The following MYSM1 variants were observed in gnomAD, a reference collection of about 807,000 sequenced individuals.
MYSM1 encodes the protein Myb like, SWIRM and MPN domains 1.
MYSM1 carries 51 observed loss-of-function variants against 116.0 expected under a neutral mutation model. The ratio of observed to expected loss-of-function variants is 0.44; its 90% CI spans 0.35 to 0.56. The LOEUF is 0.56. MYSM1 is among the 20% of genes least tolerant of loss of function. The pLI is 0.00. For synonymous variants in MYSM1, 313 were observed against 315.2 expected, an observed-to-expected ratio of 0.99 and a Z score of 0.07; for missense variants, 900 against 974.9, an observed-to-expected ratio of 0.92 and a Z score of 1.02.
rs1378316171 is a variant in MYSM1, at chr1:58,659,856, T to C, written c.*141A>G. 1 of 589,002 alleles carries C rather than the reference T, an allele frequency of 1.7e-6. No homozygotes were observed. The highest frequency in any genetic ancestry group is 2.8e-6 in the Non-Finnish European group (1 of 355,264). 36.5% of individuals were successfully genotyped at this position (589,002 alleles called of 1,614,324 possible). The stretch of plus-strand genomic sequence containing the variant: ...TTTGTATCTCTTCCTTTTCACATGA[T>C]TTATGTGGCAAAGTTTGGATTTTGT... On this transcript the variant is annotated 3_prime_UTR_variant, in exon 20 of 20. Coordinates refer to ENST00000472487, the MANE Select transcript of MYSM1 (RefSeq NM_001085487.3).
intron 5 of MYSM1, 123 bp downstream of exon 5, chr1:58,690,103 G>GT: frequency 1.3e-6 from 1 of 751,342 alleles, no homozygotes. Context: ...TAAAAAAACT[G>GT]TTTTTATATC....
intron 6 of MYSM1, among the ~76,000 whole-genome samples, chr1:58,687,722 G>A (rs1644847807): frequency 2.6e-5 from 4 of 152,090 alleles, no homozygotes; most frequent in Admixed American, 2.6e-4. Flanking sequence ...ACGACATCCC[G>A]CCGGAACAAG....
rs138996564 is a variant in MYSM1 at position 58,672,596 on chromosome 1, G to A, written c.1573-638C>T. On this transcript the variant is annotated intron_variant, in intron 11 of 19. Coordinates refer to ENST00000472487, the MANE Select transcript of MYSM1 (RefSeq NM_001085487.3). ...AAGTAAATCTCTATTCCATTTCTAC[G>A]ACCAACTTACACCCTAGTCCAAATG... 2.9e-4 allele frequency among the ~76,000 whole-genome samples: 44 copies of A among 151,798 alleles called. No individual in the cohort carries two copies. In the East Asian group the frequency reaches 4.1e-3, roughly 14 times the overall value.
In MYSM1 at chr1:58,690,243, C is replaced by T; in HGVS notation, c.303G>A (p.Gln101=). The T allele has an allele frequency of 1.9e-6, 3 of 1,574,618 alleles. No homozygotes were observed. Among genetic ancestry groups the T allele is most frequent in the South Asian group, 1.2e-5 (1 of 81,496 alleles). Residue 101 remains glutamine (Q), a synonymous_variant, in exon 5 of 20, where the codon CAG becomes CAA. Transcript: ENST00000472487. ...EDDKKYMKSL[Q]KTAKIMVHSP... ...GTACATACATGATTTTTGCTGTTTT[C>T]TGCAGACTGCATCACATGAAAAAAG...
In MYSM1 at chr1:58,659,886, T is replaced by C. The variant is rs1644366440; in HGVS notation, c.*111A>G. 1 of 749,068 alleles carries C rather than the reference T, an allele frequency of 1.3e-6. No individual in the cohort carries two copies. Among genetic ancestry groups the C allele is most frequent in the Non-Finnish European group, 2.0e-6 (1 of 494,088 alleles). 46.4% of individuals were successfully genotyped at this position (749,068 alleles called of 1,614,324 possible). Reference sequence around the variant, plus strand: ...GTGGCAAAGTTTGGATTTTGTGAAATAGAGAAAAAATACCAAAGCTGTGCC... The same window carrying C: ...GTGGCAAAGTTTGGATTTTGTGAAACAGAGAAAAAATACCAAAGCTGTGCC... On this transcript the variant is annotated 3_prime_UTR_variant, in exon 20 of 20. Coordinates refer to ENST00000472487, the MANE Select transcript of MYSM1 (RefSeq NM_001085487.3).
Position 58,661,421 on chromosome 1 carries a change from T to A in MYSM1, c.2255A>T (p.Tyr752Phe). Reference protein sequence around the residue: ...FEKTRWIIEKYRLSHSSVPMD... With the variant: ...FEKTRWIIEKFRLSHSSVPMD... ...CAGTACATACCTATGGGAGAGCCTG[T>A]ATTTTTCTATTATCCATCTTGTCTT... is the stretch of plus-strand genomic sequence containing the variant. Residue 752 changes from tyrosine to phenylalanine, a missense_variant, in exon 18 of 20, where the codon TAC becomes TTC. This residue lies in a region of MYSM1 where 186 missense variants were observed against 196.2 expected (regional missense o/e 0.95). Transcript: ENST00000472487. 1 of 1,582,364 alleles carries A rather than the reference T, an allele frequency of 6.3e-7. No homozygotes were observed. The highest frequency in any genetic ancestry group is 2.2e-5 in the East Asian group (1 of 44,670).
At chr1:58,684,871 G>A (rs1644804819) in intron 7 of MYSM1, among the ~76,000 whole-genome samples, 1 of 151,890 alleles carries the variant, frequency 6.6e-6, no homozygotes, top group South Asian at 2.1e-4. Context: ...GATCTCTAAG[G>A]TTTTCTCTTT....
intron 17 of MYSM1, among the ~76,000 whole-genome samples, chr1:58,663,506 C>T (rs1644424381): frequency 6.6e-6 from 1 of 152,178 alleles, no homozygotes; most frequent in Non-Finnish European, 1.5e-5. Context: ...AACCTTAATT[C>T]TTGCACCAGA....
chr1:58,684,340 T>A (rs893467254), intron 7 of MYSM1, among the ~76,000 whole-genome samples: 1 of 151,662 alleles, frequency 6.6e-6, no homozygotes, highest in Admixed American at 6.6e-5. Context: ...CCGAGGCGGG[T>A]GGATCACGAG....
At position 58,693,651 on chromosome 1, in the gene MYSM1, A is replaced by G. The variant is rs560971575; in HGVS notation, c.148-720T>C. On this transcript the variant is annotated intron_variant, in intron 2 of 19. Coordinates refer to ENST00000472487, the MANE Select transcript of MYSM1 (RefSeq NM_001085487.3). ...TACCTCCAAAATATAATTCAAATCT[A>G]TCTACTCTATCTCTTCTGCTACTAC... Among the ~76,000 whole-genome samples the G allele has an allele frequency of 3.9e-5, 6 of 152,258 alleles. No individual in the cohort carries two copies. In the South Asian group the frequency reaches 8.3e-4, roughly 21 times the overall value.
At position 58,675,483 on chromosome 1, in the gene MYSM1, C is replaced by G. The variant is rs894676049; in HGVS notation, c.1488G>C (p.Gln496His). 6.2e-7 allele frequency: 1 copy of G among 1,608,774 alleles called. No individual in the cohort carries two copies. Among genetic ancestry groups the G allele is most frequent in the Non-Finnish European group, 8.5e-7 (1 of 1,176,588 alleles). Residue 496 changes from glutamine (Q) to histidine (H), a missense_variant, in exon 10 of 20, where the codon CAG becomes CAC. Gln to His is a conservative substitution (Grantham distance 24). Around this residue, in one of 3 missense-constraint regions of MYSM1, gnomAD observed 622 missense variants for 623.7 expected, o/e 1.00. Transcript: ENST00000472487. ...VEAYQLAQRL[Q>H]SMRTRRRRVR... ...GAGAGAGATGACTGCTTACCATAGA[C>G]TGCAGACGCTGGGCAAGTTGGTATG...
intron 12 of MYSM1, among the ~76,000 whole-genome samples, chr1:58,671,165 G>GTCT (rs1397059592): frequency 6.6e-6 from 1 of 152,120 alleles, no homozygotes; most frequent in African/African-American, 2.4e-5. Context: ...ACCTCTCTAT[G>GTCT]CCTCTCAGTT....
chr1:58,695,515 G>C (rs1245945428), intron 1 of MYSM1, among the ~76,000 whole-genome samples: 1 of 152,144 alleles, frequency 6.6e-6, no homozygotes, highest in Non-Finnish European at 1.5e-5. Flanking sequence ...ATCACAACAT[G>C]CTCTGTGACT....
chr1:58,688,622 A>G (rs1644861811), intron 6 of MYSM1, among the ~76,000 whole-genome samples: 1 of 152,062 alleles, frequency 6.6e-6, no homozygotes, highest in African/African-American at 2.4e-5. Flanking sequence ...AGTGTATACA[A>G]TGCCAAATTA....
In MYSM1 at chr1:58,655,560, A is replaced by G. The variant is rs1175529777; in HGVS notation, c.*4437T>C. 1.3e-5 allele frequency: 2 copies of G among 152,210 alleles called. No homozygotes were observed. The highest frequency in any genetic ancestry group is 4.8e-5 in the African/African-American group (2 of 41,466). The allele number at this position is 152,210 out of a possible 1,614,324, so 9.4% of individuals were successfully genotyped here. A position where few individuals can be genotyped will look rare whatever the true frequency, so the allele number is the denominator to read the frequency against. ...GTGGCTTAGAAGATAGACTCAGAAT[A>G]TACTAGAAAGTATAATTATAGGTTA... is the stretch of plus-strand genomic sequence containing the variant. On this transcript the variant is annotated 3_prime_UTR_variant, in exon 20 of 20. Transcript: ENST00000472487.
chr1:58,664,143 T>G (rs1644434127), intron 17 of MYSM1, among the ~76,000 whole-genome samples: 1 of 152,214 alleles, frequency 6.6e-6, no homozygotes, highest in Non-Finnish European at 1.5e-5. Flanking sequence ...GCTATTGTAC[T>G]GGATAGCATC....
intron 1 of MYSM1, 57 bp downstream of exon 1, chr1:58,699,928 C>T (rs1569823726): frequency 1.2e-6 from 2 of 1,609,606 alleles, no homozygotes; most frequent in East Asian, 2.2e-5. Flanking sequence ...TCCCAGGGCC[C>T]GCTCCTTCAA....
At chr1:58,684,520 G>A (rs6664947) in intron 7 of MYSM1, among the ~76,000 whole-genome samples, 29,380 of 143,658 alleles carry the variant, frequency 0.2, 3,055 homozygotes, top group South Asian at 0.29. Context: ...AGCCGAGATC[G>A]CACCACTGCA....
chr1:58,694,249 G>A (rs1644941586), intron 2 of MYSM1, among the ~76,000 whole-genome samples: 1 of 152,192 alleles, frequency 6.6e-6, no homozygotes, highest in Admixed American at 6.5e-5. Flanking sequence ...CTTCTTGAGA[G>A]CAGGAACACG....
Sources: allele counts gnomAD v4.1 joint callset (sites outside exome capture counted in the v4.1 genomes callset), GRCh38; gene constraint gnomAD v4.1.1; regional missense constraint gnomAD v4.1.1; transcripts MANE v1.5; gene names NCBI Gene and HGNC (gene_info 2026-07-23, HGNC 2026-07-21).